ROBO1: variants seen among roughly 807,000 people sequenced by gnomAD.
ROBO1 encodes the protein roundabout guidance receptor 1.
A neutral mutation model predicts 195.9 loss-of-function variants in ROBO1; 149 were observed. The ratio of observed to expected loss-of-function variants is 0.76; its 90% CI spans 0.67 to 0.87. The LOEUF is 0.87. ROBO1 is among the 40% of genes least tolerant of loss of function. The pLI, the probability that ROBO1 is intolerant of heterozygous loss-of-function variation, is 0.00. For synonymous variants in ROBO1, 816 were observed against 733.2 expected (o/e 1.11, Z -1.82); for missense variants, 1,933 against 2,068.3 (o/e 0.93, Z 1.27).
intron 2 of ROBO1, among the ~76,000 whole-genome samples, chr3:79,163,638 T>A (rs1202414968): frequency 6.6e-6 from 1 of 152,136 alleles, no homozygotes; most frequent in Non-Finnish European, 1.5e-5. Flanking sequence ...ATTTTACATT[T>A]TGAACAGTGC....
intron 8 of ROBO1, among the ~76,000 whole-genome samples, chr3:78,704,052 T>C (rs2081487360): frequency 6.6e-6 from 1 of 152,136 alleles, no homozygotes; most frequent in Non-Finnish European, 1.5e-5. Context: ...TTCATCAAAA[T>C]GTTGATGAAC....
intron 2 of ROBO1, among the ~76,000 whole-genome samples, chr3:79,211,161 C>G (rs2081960514): frequency 6.6e-6 from 1 of 151,934 alleles, no homozygotes; most frequent in Non-Finnish European, 1.5e-5. Context: ...TTTCTTTATA[C>G]AAGTTTTTTT....
intron 1 of ROBO1, among the ~76,000 whole-genome samples, chr3:79,676,846 G>T (rs1333216874): frequency 6.6e-6 from 1 of 152,004 alleles, no homozygotes; most frequent in Non-Finnish European, 1.5e-5. Flanking sequence ...AGTCAGTTTA[G>T]CTTCTGTCTG....
chr3:79,567,551 T>C (rs966558303), intron 2 of ROBO1, among the ~76,000 whole-genome samples: 1 of 152,182 alleles, frequency 6.6e-6, no homozygotes, highest in Non-Finnish European at 1.5e-5. Context: ...CTGGTATTAA[T>C]TATTCATTTC....
At chr3:78,830,109 C>T (rs967085221) in intron 4 of ROBO1, among the ~76,000 whole-genome samples, 10 of 152,168 alleles carry the variant, frequency 6.6e-5, no homozygotes, top group African/African-American at 2.4e-4. Flanking sequence ...AACAAATCCG[C>T]CCATGATGGC....
At chr3:79,404,412 T>C (rs2037470689) in intron 2 of ROBO1, among the ~76,000 whole-genome samples, 1 of 152,160 alleles carries the variant, frequency 6.6e-6, no homozygotes, top group South Asian at 2.1e-4. Flanking sequence ...CATAATTGCA[T>C]ATTAGAGAAC....
At position 78,885,327 on chromosome 3, in the gene ROBO1, A is replaced by G. The variant is rs1352926672; in HGVS notation, c.499+53274T>C. 2.7e-5 allele frequency among the ~76,000 whole-genome samples: 4 copies of G among 150,756 alleles called. No individual in the cohort carries two copies. The East Asian group carries it at 7.9e-4, about 30-fold the overall frequency. On this transcript the variant is annotated intron_variant, in intron 4 of 30. Transcript: ENST00000464233. ...AATGGGTACTAGGCTTAATACCTAGATAAAGAAATAATCTGTACAACAAAC... is the reference window on the plus strand; with the variant it reads ...AATGGGTACTAGGCTTAATACCTAGGTAAAGAAATAATCTGTACAACAAAC...
At chr3:78,673,769 A>T (rs1575897905) in intron 10 of ROBO1, among the ~76,000 whole-genome samples, 1 of 150,964 alleles carries the variant, frequency 6.6e-6, no homozygotes, top group Admixed American at 6.6e-5. Context: ...ACATAAATAT[A>T]TTTAGGAAAT....
At chr3:79,710,242 C>T (rs1487703030) in intron 1 of ROBO1, among the ~76,000 whole-genome samples, 1 of 151,984 alleles carries the variant, frequency 6.6e-6, no homozygotes, top group East Asian at 1.9e-4. Flanking sequence ...ACTGGTAAAA[C>T]ACATGAAGCT....
chr3:79,740,269 T>C (rs978693935), intron 1 of ROBO1, among the ~76,000 whole-genome samples: 22 of 147,816 alleles, frequency 1.5e-4, no homozygotes, highest in African/African-American at 5.4e-4. Flanking sequence ...CTGCATACTC[T>C]AGTGAGTTTT....
rs553433130 is a variant in ROBO1 at position 79,602,943 on chromosome 3, A to AAT, written c.-50-12984_-50-12983dup. Among the ~76,000 whole-genome samples, 160 of 152,096 alleles carry AAT rather than the reference A, an allele frequency of 1.1e-3. 1 individual carries two copies. Among genetic ancestry groups the AAT allele is most frequent in the African/African-American group, 3.8e-3 (157 of 41,562 alleles). On this transcript the variant is annotated intron_variant, in intron 1 of 30. Transcript: ENST00000464233. The stretch of plus-strand genomic sequence containing the variant: ...TGTTAGATCTTGGCTCAACTCTTTT[A>AAT]ATAGCGATATTAGCCATAAATACAT...
chr3:78,974,098 A>G (rs1192042041), intron 3 of ROBO1, among the ~76,000 whole-genome samples: 1 of 152,180 alleles, frequency 6.6e-6, no homozygotes, highest in Non-Finnish European at 1.5e-5. Context: ...TCATTAGCGA[A>G]TAATTTTTAA....
chr3:79,152,541 T>A (rs1248848041), intron 2 of ROBO1, among the ~76,000 whole-genome samples: 1 of 151,854 alleles, frequency 6.6e-6, no homozygotes, highest in East Asian at 1.9e-4. Context: ...TGTCAAATGC[T>A]AGGAAAATCA....
intron 1 of ROBO1, among the ~76,000 whole-genome samples, chr3:79,611,929 A>T (rs896039441): frequency 3.9e-5 from 6 of 152,082 alleles, no homozygotes; most frequent in African/African-American, 1.4e-4. Flanking sequence ...GAAAATAAAT[A>T]AAAAAAGAAA....
At chr3:78,704,247 T>C (rs2081493306) in intron 8 of ROBO1, among the ~76,000 whole-genome samples, 1 of 152,160 alleles carries the variant, frequency 6.6e-6, no homozygotes. Context: ...ACAAATGATT[T>C]AAATGAAGTC....
At chr3:79,727,607 G>A (rs1166017529) in intron 1 of ROBO1, among the ~76,000 whole-genome samples, 1 of 152,054 alleles carries the variant, frequency 6.6e-6, no homozygotes, top group Non-Finnish European at 1.5e-5. Flanking sequence ...TGGCATCTCT[G>A]CTATTTTAAA....
chr3:78,740,463 TTTCTTTCTTTCTTTC>T (rs1376411766), intron 5 of ROBO1, among the ~76,000 whole-genome samples: 44 of 150,838 alleles, frequency 2.9e-4, no homozygotes, highest in African/African-American at 1.0e-3. Context: ...TCTTTCTTTC[TTTCTTTCTTTCTTTC>T]TTTTTTTTTT....
intron 2 of ROBO1, among the ~76,000 whole-genome samples, chr3:79,557,518 G>A (rs1942745506): frequency 6.6e-6 from 1 of 151,668 alleles, no homozygotes; most frequent in African/African-American, 2.4e-5. Context: ...TGGATCACTT[G>A]AGCCCAGGAG....
At chr3:79,248,050 A>G (rs1259956073) in intron 2 of ROBO1, among the ~76,000 whole-genome samples, 1 of 152,170 alleles carries the variant, frequency 6.6e-6, no homozygotes, top group Non-Finnish European at 1.5e-5. Context: ...TGTTTAAAGA[A>G]GAGAGGGAAA....
Sources: gnomAD v4.1 joint callset for allele counts (sites outside exome capture counted in the v4.1 genomes callset) on GRCh38, gnomAD v4.1.1 for gene constraint, MANE v1.5 for transcripts, NCBI Gene and HGNC (gene_info 2026-07-23, HGNC 2026-07-21) for gene names.